Variants in FAF1 observed in about 807,000 individuals in gnomAD.
The protein encoded by FAF1 is FAS-associated factor 1.
A neutral mutation model predicts 92.5 loss-of-function variants in FAF1; 25 were observed. The ratio of observed to expected loss-of-function variants is 0.27; its 90% CI spans 0.20 to 0.38. FAF1 has a LOEUF of 0.38. FAF1 is among the 10% of genes least tolerant of loss of function. The pLI, the probability that FAF1 is intolerant of heterozygous loss-of-function variation, is 1.00. For synonymous variants in FAF1, 234 were observed against 273.2 expected (o/e 0.86, Z 1.42); for missense variants, 636 against 793.3 (o/e 0.80, Z 2.38).
chr1:50,504,387 TG>T (rs957184077), intron 15 of FAF1, among the ~76,000 whole-genome samples: 2 of 150,432 alleles, frequency 1.3e-5, no homozygotes, highest in African/African-American at 4.9e-5. Flanking sequence ...AACAGTAGCT[TG>T]GACATAGGTA....
chr1:50,642,928 C>T (rs1654411525), intron 8 of FAF1, among the ~76,000 whole-genome samples: 2 of 152,066 alleles, frequency 1.3e-5, no homozygotes, highest in African/African-American at 4.8e-5. Flanking sequence ...GCAACCTCTG[C>T]CTCCCAGGTT....
At chr1:50,481,559 A>C (rs1352287400) in intron 17 of FAF1, among the ~76,000 whole-genome samples, 1 of 152,182 alleles carries the variant, frequency 6.6e-6, no homozygotes, top group Admixed American at 6.5e-5. Flanking sequence ...TATACTATCT[A>C]TGTTTGTGTA....
At chr1:50,521,108 T>A (rs1342372508) in intron 15 of FAF1, among the ~76,000 whole-genome samples, 1 of 152,208 alleles carries the variant, frequency 6.6e-6, no homozygotes, top group Non-Finnish European at 1.5e-5. Flanking sequence ...TATATATACA[T>A]TGTAGAATGG....
In FAF1 at chr1:50,448,489, T is replaced by A. The variant is rs1646255160; in HGVS notation, c.1870-6966A>T. Among the ~76,000 whole-genome samples, 4 of 152,182 alleles carry A rather than the reference T, an allele frequency of 2.6e-5. No individual in the cohort carries two copies. In the South Asian group the frequency reaches 8.3e-4, roughly 31 times the overall value. On this transcript the variant is annotated intron_variant, in intron 18 of 18. Coordinates refer to ENST00000396153, the MANE Select transcript of FAF1 (RefSeq NM_007051.3). ...CACATGGAGTGACTTCTGGATGTGT[T>A]CCCTATCTCCCACACAGGGGTGAGA...
intron 17 of FAF1, among the ~76,000 whole-genome samples, chr1:50,486,147 A>T (rs1646766020): frequency 1.3e-5 from 2 of 152,220 alleles, no homozygotes; most frequent in African/African-American, 2.4e-5. Context: ...CCCACTTAGT[A>T]GTCATTAATA....
intron 18 of FAF1, among the ~76,000 whole-genome samples, chr1:50,444,968 G>T (rs979111988): frequency 2.6e-5 from 4 of 152,160 alleles, no homozygotes; most frequent in Admixed American, 1.3e-4. Flanking sequence ...CACTCAAATA[G>T]GGGCTTACTT....
At chr1:50,770,253 C>T (rs1323270000) in intron 4 of FAF1, among the ~76,000 whole-genome samples, 1 of 152,102 alleles carries the variant, frequency 6.6e-6, no homozygotes, top group African/African-American at 2.4e-5. Context: ...AAGTCCTAGC[C>T]AGAGCAATCA....
At chr1:50,629,990 G>A (rs1468621500) in intron 8 of FAF1, among the ~76,000 whole-genome samples, 4 of 151,926 alleles carry the variant, frequency 2.6e-5, no homozygotes, top group African/African-American at 7.2e-5. Context: ...CCTGGGAGGC[G>A]GAGGTTGCAG....
At chr1:50,775,447 C>A (rs12082582) in intron 4 of FAF1, among the ~76,000 whole-genome samples, 1 of 151,868 alleles carries the variant, frequency 6.6e-6, no homozygotes, top group Non-Finnish European at 1.5e-5. Flanking sequence ...GGGATCATAG[C>A]GGATGATTCA....
chr1:50,524,868 GCT>G (rs1647708773), intron 15 of FAF1, among the ~76,000 whole-genome samples: 3 of 151,906 alleles, frequency 2.0e-5, no homozygotes, highest in Admixed American at 2.0e-4. Context: ...GGCTATTCAG[GCT>G]CTTTTTTTTG....
intron 1 of FAF1, among the ~76,000 whole-genome samples, chr1:50,859,469 C>G (rs1473888031): frequency 1.3e-5 from 2 of 151,848 alleles, no homozygotes; most frequent in Non-Finnish European, 2.9e-5. Flanking sequence ...CAATAACACT[C>G]CAGCTGAAAG....
chr1:50,620,401 C>T (rs1653138661), intron 8 of FAF1, among the ~76,000 whole-genome samples: 1 of 152,184 alleles, frequency 6.6e-6, no homozygotes, highest in Non-Finnish European at 1.5e-5. Flanking sequence ...AACTTAGCAG[C>T]TCTAGAAATT....
At chr1:50,925,629 C>G (rs190816389) in intron 1 of FAF1, among the ~76,000 whole-genome samples, 150 of 152,266 alleles carry the variant, frequency 9.9e-4, no homozygotes, top group Middle Eastern at 3.4e-3. Flanking sequence ...GAAAAGGGAA[C>G]TCATACACTG....
intron 6 of FAF1, among the ~76,000 whole-genome samples, chr1:50,723,470 G>C (rs1658499072): frequency 1.3e-5 from 2 of 152,004 alleles, no homozygotes; most frequent in Non-Finnish European, 2.9e-5. Context: ...TAATAACTAA[G>C]TCTCACAACA....
chr1:50,641,415 A>T (rs561061399), intron 8 of FAF1, among the ~76,000 whole-genome samples: 1 of 152,328 alleles, frequency 6.6e-6, no homozygotes, highest in Admixed American at 6.5e-5. Context: ...AAATGTTACC[A>T]ATCTTTTCTG....
intron 1 of FAF1, among the ~76,000 whole-genome samples, chr1:50,942,862 C>A (rs1645144728): frequency 6.6e-6 from 1 of 151,966 alleles, no homozygotes; most frequent in African/African-American, 2.4e-5. Context: ...GGAGAGGAAC[C>A]CTGTGCTTAG....
At chr1:50,724,237 CAAAA>C (rs79635813) in intron 6 of FAF1, among the ~76,000 whole-genome samples, 2 of 88,848 alleles carry the variant, frequency 2.3e-5, no homozygotes, top group African/African-American at 4.2e-5. Context: ...GACTGTCTTT[CAAAA>C]AAAAAAAAAA....
intron 18 of FAF1, 114 bp downstream of exon 18, chr1:50,475,350 G>A (rs1646625475): frequency 1.3e-6 from 1 of 768,578 alleles, no homozygotes; most frequent in African/African-American, 1.7e-5. Context: ...AAGGACTCCT[G>A]TTTGTCTTGT....
At chr1:50,820,124 G>T (rs1644030326) in intron 2 of FAF1, among the ~76,000 whole-genome samples, 1 of 151,944 alleles carries the variant, frequency 6.6e-6, no homozygotes. Context: ...GTTACTAGGG[G>T]ATGGGGTGGA....
Sources: allele counts gnomAD v4.1 joint callset (sites outside exome capture counted in the v4.1 genomes callset), GRCh38; gene constraint gnomAD v4.1.1; transcripts MANE v1.5; gene names NCBI Gene and HGNC (gene_info 2026-07-23, HGNC 2026-07-21).